The following MARCHF3 variants were observed in gnomAD, a reference collection of about 807,000 sequenced individuals.
The protein encoded by MARCHF3 is membrane associated ring-CH-type finger 3.
A neutral mutation model predicts 24.2 loss-of-function variants in MARCHF3; 13 were observed. The ratio of observed to expected loss-of-function variants is 0.54; its 90% CI spans 0.35 to 0.85. MARCHF3 has a LOEUF of 0.85. Ranked by LOEUF, MARCHF3 falls within the 40% of genes least tolerant of loss-of-function variation. MARCHF3 has a pLI of 0.01. For missense variants in MARCHF3, 276 were observed against 325.0 expected (o/e 0.85, Z 1.16); for synonymous variants, 144 against 137.3 (o/e 1.05, Z -0.34).
chr5:126,965,972 G>A (rs1479301979), intron 1 of MARCHF3, among the ~76,000 whole-genome samples: 1 of 152,178 alleles, frequency 6.6e-6, no homozygotes, highest in Non-Finnish European at 1.5e-5. Context: ...ATAATTTGTG[G>A]TATATTGATG....
At chr5:126,943,414 C>T (rs1019147717) in intron 1 of MARCHF3, among the ~76,000 whole-genome samples, 1 of 151,924 alleles carries the variant, frequency 6.6e-6, no homozygotes, top group Admixed American at 6.6e-5. Flanking sequence ...CCCGTCTATA[C>T]AAAATAATTA....
At chr5:127,013,421 T>C (rs568115169) in intron 1 of MARCHF3, among the ~76,000 whole-genome samples, 2 of 152,314 alleles carry the variant, frequency 1.3e-5, no homozygotes, top group South Asian at 4.1e-4. Flanking sequence ...AGAGCTTACA[T>C]AGACCATGTA....
intron 1 of MARCHF3, among the ~76,000 whole-genome samples, chr5:127,003,832 C>T (rs1752218565): frequency 1.3e-5 from 2 of 152,180 alleles, no homozygotes; most frequent in African/African-American, 4.8e-5. Context: ...CAGTTGTGCA[C>T]AAATGTAATG....
intron 1 of MARCHF3, among the ~76,000 whole-genome samples, chr5:126,932,766 A>G (rs568308943): frequency 5.6e-4 from 86 of 152,292 alleles, no homozygotes; most frequent in African/African-American, 1.8e-3. Context: ...GGGCCACTAT[A>G]GCTCTAGGAG....
chr5:126,923,728 T>C (rs1256034107), intron 1 of MARCHF3, among the ~76,000 whole-genome samples: 3 of 152,354 alleles, frequency 2.0e-5, no homozygotes, highest in Admixed American at 2.0e-4. Flanking sequence ...TCAGAAATGA[T>C]GTACTGGACA....
At chr5:126,908,144 T>C (rs7731664) in intron 3 of MARCHF3, among the ~76,000 whole-genome samples, 70,499 of 152,016 alleles carry the variant, frequency 0.46, 16,916 homozygotes, top group East Asian at 0.67. Flanking sequence ...TGTTGAATAT[T>C]GGCCCCCACC....
chr5:126,934,432 ATT>A (rs34440613), intron 1 of MARCHF3, among the ~76,000 whole-genome samples: 5 of 142,678 alleles, frequency 3.5e-5, no homozygotes, highest in Admixed American at 7.1e-5. Flanking sequence ...GGTAGCCTCT[ATT>A]TTTTTTTTTT....
At position 126,923,038 on chromosome 5, in the gene MARCHF3, G is replaced by A. The variant is rs143974885; in HGVS notation, c.-56-4811C>T. 8.5e-5 allele frequency among the ~76,000 whole-genome samples: 13 copies of A among 152,218 alleles called. No homozygotes were observed. In the East Asian group the frequency reaches 2.5e-3, roughly 29 times the overall value. On this transcript the variant is annotated intron_variant, in intron 1 of 4. Coordinates refer to ENST00000308660, the MANE Select transcript of MARCHF3 (RefSeq NM_178450.5). ...CACGGCCTTCAGATCTGGAAGATAG[G>A]TGTCATTCTTCCATGAAAATGCTTA...
chr5:126,894,591 T>C (rs563688647), intron 3 of MARCHF3, among the ~76,000 whole-genome samples: 1 of 152,016 alleles, frequency 6.6e-6, no homozygotes, highest in Admixed American at 6.6e-5. Context: ...AAAATTCTTT[T>C]CTTTAAGAAT....
chr5:126,941,435 CAAT>C (rs1749825979), intron 1 of MARCHF3, among the ~76,000 whole-genome samples: 1 of 138,736 alleles, frequency 7.2e-6, no homozygotes, highest in African/African-American at 2.8e-5. Flanking sequence ...ATCCATCCAA[CAAT>C]GAGGTGTGAT....
intron 1 of MARCHF3, among the ~76,000 whole-genome samples, chr5:127,029,334 C>T (rs1753099782): frequency 6.6e-6 from 1 of 152,138 alleles, no homozygotes; most frequent in Non-Finnish European, 1.5e-5. Context: ...TCTAAACATC[C>T]CCAAATTCTG....
intron 1 of MARCHF3, among the ~76,000 whole-genome samples, chr5:126,926,616 G>A (rs531233341): frequency 5.6e-4 from 85 of 152,104 alleles, no homozygotes; most frequent in Middle Eastern, 3.4e-3. Flanking sequence ...GTTCCTTCAT[G>A]GCCTTTTCAC....
chr5:126,896,181 G>T (rs544323611), intron 3 of MARCHF3, among the ~76,000 whole-genome samples: 2 of 152,182 alleles, frequency 1.3e-5, no homozygotes, highest in South Asian at 2.1e-4. Context: ...CGCACGGTGC[G>T]TGCACCCACT....
At chr5:126,932,870 A>G (rs1749523517) in intron 1 of MARCHF3, among the ~76,000 whole-genome samples, 1 of 152,206 alleles carries the variant, frequency 6.6e-6, no homozygotes, top group Non-Finnish European at 1.5e-5. Flanking sequence ...GTACAGATAC[A>G]GAGGAATGAA....
chr5:126,992,766 A>ATTTTTTTTTTTTTTTTTTT (rs757479478), intron 1 of MARCHF3, among the ~76,000 whole-genome samples: 6 of 95,504 alleles, frequency 6.3e-5, no homozygotes, highest in East Asian at 3.3e-4. Context: ...CATCCACGTG[A>ATTTTTTTTTTTTTTTTTTT]TTTTTTTTTT....
At chr5:126,892,243 A>G (rs1038722939) in intron 3 of MARCHF3, among the ~76,000 whole-genome samples, 4 of 145,712 alleles carry the variant, frequency 2.7e-5, no homozygotes, top group Non-Finnish European at 6.0e-5. Flanking sequence ...AACAGGGACA[A>G]TTTGACTTCC....
rs1050949296 is a variant in MARCHF3, at chr5:126,963,250, A to G, written c.-56-45023T>C. 5.3e-5 allele frequency among the ~76,000 whole-genome samples: 8 copies of G among 152,306 alleles called. No homozygotes were observed. In the South Asian group the frequency reaches 1.0e-3, roughly 20 times the overall value. On this transcript the variant is annotated intron_variant, in intron 1 of 4. Coordinates refer to ENST00000308660, the MANE Select transcript of MARCHF3 (RefSeq NM_178450.5). Reference sequence around the variant, plus strand: ...CTTGGAAGATAAGCCATTTTTATGAATTGTTACAAAAATATTTTTGATGAA... The same window carrying G: ...CTTGGAAGATAAGCCATTTTTATGAGTTGTTACAAAAATATTTTTGATGAA...
intron 1 of MARCHF3, chr5:127,029,915 G>C (rs990295956): frequency 6.6e-6 from 1 of 152,314 alleles, no homozygotes; most frequent in Non-Finnish European, 1.5e-5. Flanking sequence ...CTCTGGCGCT[G>C]AGACCCACCT....
At chr5:126,887,812 G>C (rs1325156906) in intron 3 of MARCHF3, among the ~76,000 whole-genome samples, 1 of 152,144 alleles carries the variant, frequency 6.6e-6, no homozygotes, top group Non-Finnish European at 1.5e-5. Flanking sequence ...ACCTTTGCTT[G>C]AATGACACTT....
Sources: gnomAD v4.1 joint callset for allele counts (sites outside exome capture counted in the v4.1 genomes callset) on GRCh38, gnomAD v4.1.1 for gene constraint, MANE v1.5 for transcripts, NCBI Gene and HGNC (gene_info 2026-07-23, HGNC 2026-07-21) for gene names.